The following TXLNB variants were observed in gnomAD, a reference collection of about 807,000 sequenced individuals.
TXLNB encodes the protein taxilin beta.
A neutral mutation model predicts 57.4 loss-of-function variants in TXLNB; 37 were observed. The ratio of observed to expected loss-of-function variants is 0.64; its 90% CI spans 0.50 to 0.85. The LOEUF is 0.85. TXLNB is among the 40% of genes least tolerant of loss of function. TXLNB has a pLI of 0.00. For synonymous variants in TXLNB, 302 were observed against 309.6 expected (o/e 0.98, Z 0.26); for missense variants, 848 against 825.6 (o/e 1.03, Z -0.33).
At chr6:139,200,678 G>A in the TXLNB span, among the ~76,000 whole-genome samples, 1 of 152,010 alleles carries the variant, frequency 6.6e-6, no homozygotes, top group Non-Finnish European at 1.5e-5. Context: ...TGATTAGGTT[G>A]GTGGGATGTC....
chr6:139,298,121 T>C, the TXLNB span, among the ~76,000 whole-genome samples: 14 of 152,318 alleles, frequency 9.2e-5, no homozygotes, highest in South Asian at 2.9e-3. Context: ...AAAAGAATTG[T>C]TTTATCACTT....
chr6:139,236,106 T>C (rs1775833569), downstream of TXLNB, among the ~76,000 whole-genome samples: 1 of 152,082 alleles, frequency 6.6e-6, no homozygotes, highest in South Asian at 2.1e-4. Flanking sequence ...CAGTAAAACC[T>C]TGCACTTATT....
the TXLNB span, among the ~76,000 whole-genome samples, chr6:139,232,393 T>C: frequency 1.3e-5 from 2 of 152,190 alleles, no homozygotes; most frequent in Non-Finnish European, 2.9e-5. Context: ...AGATGAGATT[T>C]GGGTGGGGAC....
At chr6:139,239,881 CA>C (rs1176244899), downstream of TXLNB, among the ~76,000 whole-genome samples, 8 of 152,106 alleles carry the variant, frequency 5.3e-5, no homozygotes, top group African/African-American at 9.7e-5. The surrounding 1 kb of genome is among the most constrained non-coding windows in gnomAD (Gnocchi z 4.7). Context: ...TACACACACA[CA>C]CACCCCCGCC....
rs1363984358 is a variant in TXLNB, at chr6:139,284,020, C to T, written c.424+4456G>A. On this transcript the variant is annotated intron_variant, in intron 2 of 9. Transcript: ENST00000358430. The stretch of plus-strand genomic sequence containing the variant: ...GAAAACACTTTCTGAAGAATCAGAA[C>T]CATTGCTTCCACAATCTGTGTCAAA... Among the ~76,000 whole-genome samples the T allele has an allele frequency of 8.9e-5, 13 of 145,582 alleles. 1 individual carries two copies.
chr6:139,227,531 G>A, the TXLNB span, among the ~76,000 whole-genome samples: 1 of 152,112 alleles, frequency 6.6e-6, no homozygotes, highest in African/African-American at 2.4e-5. Flanking sequence ...TCCTATATCT[G>A]AAATAGACAC....
chr6:139,221,448 C>T, the TXLNB span, among the ~76,000 whole-genome samples: 1 of 152,124 alleles, frequency 6.6e-6, no homozygotes, highest in African/African-American at 2.4e-5. Flanking sequence ...TAACACTTTC[C>T]AGAGATTTAA....
Position 139,240,590 on chromosome 6 carries a change from G to A in TXLNB, c.*1936C>T, listed in dbSNP as rs1487324784. The A allele has an allele frequency of 6.5e-6, 1 of 152,676 alleles. No homozygotes were observed. The highest frequency in any genetic ancestry group is 2.4e-5 in the African/African-American group (1 of 41,458). 9.5% of individuals were successfully genotyped at this position (152,676 alleles called of 1,614,324 possible). A position where few individuals can be genotyped will look rare whatever the true frequency, so the allele number is the denominator to read the frequency against. On this transcript the variant is annotated 3_prime_UTR_variant, in exon 10 of 10. Transcript: ENST00000358430. ...CCTCCTGGATTATGGTGAATATTTA[G>A]CTCTGAATCAAATGAATGTTTAAAT...
At chr6:139,265,430 GTGTGTGTGTGTGTGTC>G (rs1776591218) in intron 4 of TXLNB, among the ~76,000 whole-genome samples, 2 of 151,920 alleles carry the variant, frequency 1.3e-5, no homozygotes, top group South Asian at 4.2e-4. Flanking sequence ...GGTTGTATGT[GTGTGTGTGTGTGTGTC>G]TGTGTGTGTG....
At chr6:139,167,391 T>A in the TXLNB span, 1 of 1,288,472 alleles carries the variant, frequency 7.8e-7, no homozygotes, top group Non-Finnish European at 1.1e-6. Context: ...CAAGACAGAT[T>A]GCTCTATTTT....
chr6:139,243,088 G>T lies in TXLNB; in HGVS notation c.1493C>A (p.Thr498Asn), dbSNP rs1177269525. 1.2e-6 allele frequency: 2 copies of T among 1,614,178 alleles called. No homozygotes were observed. Among genetic ancestry groups the T allele is most frequent in the East Asian group, 4.5e-5 (2 of 44,886 alleles). Residue 498 changes from threonine to asparagine, a missense_variant, in exon 10 of 10, where the codon ACC (threonine) becomes AAC (asparagine). Transcript: ENST00000358430. ...IDAEEVNSVQTAVKNLATAFM... is the reference protein window; with the variant it reads ...IDAEEVNSVQNAVKNLATAFM... ...GGCTGTGGCCAGATTTTTCACGGCGGTTTGGACACTATTAACCTCCTCTGC... is the reference window on the plus strand; with the variant it reads ...GGCTGTGGCCAGATTTTTCACGGCGTTTTGGACACTATTAACCTCCTCTGC...
chr6:139,174,841 C>A, the TXLNB span, among the ~76,000 whole-genome samples: 1 of 151,968 alleles, frequency 6.6e-6, no homozygotes, highest in African/African-American at 2.4e-5. Context: ...AATTGCTAAC[C>A]TGTTACCAGA....
chr6:139,245,847 C>T (rs919798196), intron 8 of TXLNB, among the ~76,000 whole-genome samples: 5 of 151,048 alleles, frequency 3.3e-5, no homozygotes, highest in Non-Finnish European at 7.4e-5. Flanking sequence ...CGCCTGCCAC[C>T]ATTCCTGGCT....
chr6:139,229,406 T>C, the TXLNB span, among the ~76,000 whole-genome samples: 1 of 152,140 alleles, frequency 6.6e-6, no homozygotes, highest in African/African-American at 2.4e-5. Flanking sequence ...TACTGCAAAC[T>C]CCACCTCCCG....
At chr6:139,166,586 T>C in the TXLNB span, 1 of 1,614,182 alleles carries the variant, frequency 6.2e-7, no homozygotes, top group Non-Finnish European at 8.5e-7. Context: ...CACAGACTGG[T>C]ATCAGGTGAA....
rs377162981 is a variant in TXLNB at position 139,260,554 on chromosome 6, G to C, written c.883-117C>G. The C allele has an allele frequency of 2.6e-5, 29 of 1,121,456 alleles. 1 individual carries two copies. In the South Asian group the frequency reaches 3.9e-4, roughly 15 times the overall value. 69.5% of individuals were successfully genotyped at this position (1,121,456 alleles called of 1,614,324 possible). On this transcript the variant is annotated intron_variant, in intron 5 of 9. Transcript: ENST00000358430. ...AGGTTTTAAGATTTAAAAGAAGAGA[G>C]GGATAAATGCATTGGCATCACTTAC...
chr6:139,167,032 C>T, the TXLNB span: 33 of 1,614,170 alleles, frequency 2.0e-5, no homozygotes, highest in African/African-American at 8.0e-5. Flanking sequence ...TCGACACCCC[C>T]GTGCAGTTCC....
rs546702466 is a variant in TXLNB at position 139,242,656 on chromosome 6, G to A, written c.1925C>T (p.Ala642Val). 14 of 1,609,964 alleles carry A rather than the reference G, an allele frequency of 8.7e-6. No homozygotes were observed. In the African/African-American group the frequency reaches 1.2e-4, roughly 14 times the overall value. Residue 642 changes from alanine to valine, a missense_variant, in exon 10 of 10, where the codon GCA becomes GTA. By Grantham distance (64) the Ala-to-Val change is moderately conservative (BLOSUM62 0). Coordinates refer to ENST00000358430, the MANE Select transcript of TXLNB (RefSeq NM_153235.4). Reference protein sequence around the residue: ...APACAAEEHVAAMVPACEPSR... With the variant: ...APACAAEEHVVAMVPACEPSR... ...GGGCTCGCATGCAGGCACCATGGCTGCAACGTGCTCTTCTGCTGCGCATGC... is the reference window on the plus strand; with the variant it reads ...GGGCTCGCATGCAGGCACCATGGCTACAACGTGCTCTTCTGCTGCGCATGC...
the TXLNB span, among the ~76,000 whole-genome samples, chr6:139,322,396 C>T: frequency 6.6e-6 from 1 of 152,098 alleles, no homozygotes; most frequent in African/African-American, 2.4e-5. Flanking sequence ...AGAGAGTGAA[C>T]CCACTCCTGC....
Sources: gnomAD v4.1 joint callset for allele counts (sites outside exome capture counted in the v4.1 genomes callset) on GRCh38, gnomAD v4.1.1 for gene constraint, Gnocchi (gnomAD v3.1) non-coding constraint, MANE v1.5 for transcripts, NCBI Gene and HGNC (gene_info 2026-07-23, HGNC 2026-07-21) for gene names.